The following COL5A2 variants were observed in gnomAD, a reference collection of about 807,000 sequenced individuals.
The protein encoded by COL5A2 is collagen alpha-2(V) chain.
COL5A2 carries 23 observed loss-of-function variants against 208.2 expected under a neutral mutation model. The ratio of observed to expected loss-of-function variants is 0.11; its 90% CI spans 0.08 to 0.16. The LOEUF (loss-of-function observed/expected upper bound fraction) is 0.16, where lower values mean the gene tolerates loss of function less well. Ranked by LOEUF, COL5A2 falls within the 10% of genes least tolerant of loss-of-function variation. COL5A2 has a pLI of 1.00. For missense variants in COL5A2, 1,590 were observed against 1,956.4 expected, an observed-to-expected ratio of 0.81 and a Z score of 3.53; for synonymous variants, 625 against 628.5, an observed-to-expected ratio of 0.99 and a Z score of 0.08.
the COL5A2 span, among the ~76,000 whole-genome samples, chr2:189,368,973 CA>C: frequency 6.6e-6 from 1 of 152,168 alleles, no homozygotes; most frequent in Non-Finnish European, 1.5e-5. Context: ...CTATCTACTA[CA>C]ATACAGTAAA....
At chr2:189,375,020 CT>C in the COL5A2 span, among the ~76,000 whole-genome samples, 1,014 of 143,756 alleles carry the variant, frequency 7.1e-3, 4 homozygotes, top group African/African-American at 0.012. Flanking sequence ...ATTTTTATAT[CT>C]TTTTTTTTTT....
chr2:189,305,375 T>C, the COL5A2 span, among the ~76,000 whole-genome samples: 1 of 152,346 alleles, frequency 6.6e-6, no homozygotes, highest in South Asian at 2.1e-4. Context: ...GATGATTATT[T>C]CATGAGGGCT....
the COL5A2 span, among the ~76,000 whole-genome samples, chr2:189,437,773 C>T: frequency 3.3e-5 from 5 of 152,080 alleles, no homozygotes; most frequent in Admixed American, 6.6e-5. Context: ...TAGCAGAGCC[C>T]AAGGGCCTAT....
chr2:189,173,733 C>T (rs967800569), intron 1 of COL5A2, among the ~76,000 whole-genome samples: 4 of 152,144 alleles, frequency 2.6e-5, no homozygotes, highest in East Asian at 1.9e-4. Context: ...GATACTGTCT[C>T]GTGCTACATT....
the COL5A2 span, among the ~76,000 whole-genome samples, chr2:189,436,963 C>T: frequency 2.6e-5 from 4 of 151,890 alleles, no homozygotes; most frequent in South Asian, 2.1e-4. Flanking sequence ...ACACATTTAC[C>T]TATATAACAA....
chr2:189,209,528 G>A (rs939342808), intron 1 of COL5A2, among the ~76,000 whole-genome samples: 1 of 152,166 alleles, frequency 6.6e-6, no homozygotes, highest in Admixed American at 6.5e-5. Flanking sequence ...AAGTTTTCAA[G>A]TAATGAGCCC....
intron 31 of COL5A2, among the ~76,000 whole-genome samples, chr2:189,059,421 T>C (rs942999795): frequency 2.0e-5 from 3 of 151,816 alleles, no homozygotes; most frequent in Non-Finnish European, 2.9e-5. Context: ...TGTTCTTACA[T>C]AAAAGAAAGT....
the COL5A2 span, among the ~76,000 whole-genome samples, chr2:189,414,247 C>T: frequency 6.6e-6 from 1 of 152,200 alleles, no homozygotes; most frequent in South Asian, 2.1e-4. Context: ...ACATACAACC[C>T]TCTTGAGGAA....
intron 41 of COL5A2, among the ~76,000 whole-genome samples, chr2:189,051,753 A>T (rs547964971): frequency 5.9e-5 from 9 of 152,346 alleles, no homozygotes; most frequent in African/African-American, 2.2e-4. Context: ...TTGAATTTTC[A>T]AACTTATTTA....
chr2:189,162,265 G>A (rs1380591995), intron 1 of COL5A2, among the ~76,000 whole-genome samples: 1 of 152,158 alleles, frequency 6.6e-6, no homozygotes, highest in East Asian at 1.9e-4. Context: ...AATCAATAAA[G>A]AACCTGATAA....
At chr2:189,094,588 G>GACACAC (rs1175370532) in intron 6 of COL5A2, among the ~76,000 whole-genome samples, 689 of 11,686 alleles carry the variant, frequency 0.059, 191 homozygotes, top group Middle Eastern at 0.1. Context: ...CTTTCTCTCT[G>GACACAC]ACACACACAC....
At chr2:189,341,810 G>A in the COL5A2 span, among the ~76,000 whole-genome samples, 3 of 152,112 alleles carry the variant, frequency 2.0e-5, no homozygotes, top group Admixed American at 1.3e-4. Context: ...TAATCAAAGT[G>A]AGTATCACTT....
At position 189,088,677 on chromosome 2, in the gene COL5A2, A is replaced by G. The variant is rs368394761; in HGVS notation, c.645+18T>C. On this transcript the variant is annotated intron_variant, in intron 8 of 53. Transcript: ENST00000374866. ...TTTTCACTGAAGTACTTCAATGATCAGTAAAATTTATGCTTACCACAGAGC... is the reference window on the plus strand; with the variant it reads ...TTTTCACTGAAGTACTTCAATGATCGGTAAAATTTATGCTTACCACAGAGC... The G allele has an allele frequency of 6.3e-6, 10 of 1,593,344 alleles. No individual in the cohort carries two copies. The highest frequency in any genetic ancestry group is 5.4e-5 in the African/African-American group (4 of 74,538).
At chr2:189,326,942 A>T in the COL5A2 span, among the ~76,000 whole-genome samples, 34 of 151,700 alleles carry the variant, frequency 2.2e-4, no homozygotes, top group African/African-American at 7.5e-4. Context: ...GTGATGGCAC[A>T]CACCTGTAAT....
chr2:189,080,998 C>T lies in COL5A2; in HGVS notation c.898G>A (p.Gly300Ser). Residue 300 changes from glycine (G) to serine (S), a missense_variant, in exon 13 of 54, where the codon GGT becomes AGT. Coordinates refer to ENST00000374866, the MANE Select transcript of COL5A2 (RefSeq NM_000393.5). Reference protein sequence around the residue: ...PGAPGLPGLKGHRGHKGLEGP... With the variant: ...PGAPGLPGLKSHRGHKGLEGP... Reference sequence around the variant, plus strand: ...CAATAGATTGAACTTACTCGGTGACCCTTCAGACCTGGAAGACCAGGAGCC... The same window carrying T: ...CAATAGATTGAACTTACTCGGTGACTCTTCAGACCTGGAAGACCAGGAGCC... 6.2e-7 allele frequency: 1 copy of T among 1,613,228 alleles called. No homozygotes were observed. The highest frequency in any genetic ancestry group is 8.5e-7 in the Non-Finnish European group (1 of 1,179,394).
Position 189,080,005 on chromosome 2 carries a change from T to C in COL5A2, c.933A>G (p.Lys311=). Residue 311 remains lysine (K), a synonymous_variant, in exon 14 of 54, where the codon AAA becomes AAG. Coordinates refer to ENST00000374866, the MANE Select transcript of COL5A2 (RefSeq NM_000393.5). ...TGGAACCAGGTGCTCCAACTTCACCTTTAGGGCCTTCAAGACCTTTGTGTC... is the reference window on the plus strand; with the variant it reads ...TGGAACCAGGTGCTCCAACTTCACCCTTAGGGCCTTCAAGACCTTTGTGTC... ...HRGHKGLEGP[K]GEVGAPGSKG... The C allele has an allele frequency of 6.2e-7, 1 of 1,613,062 alleles. No individual in the cohort carries two copies. The highest frequency in any genetic ancestry group is 2.2e-5 in the East Asian group (1 of 44,850).
chr2:189,122,218 C>T (rs538545585), intron 1 of COL5A2, among the ~76,000 whole-genome samples: 7 of 151,998 alleles, frequency 4.6e-5, no homozygotes, highest in African/African-American at 7.2e-5. Flanking sequence ...ATATAAGATA[C>T]GAGGTTTGAG....
At chr2:189,369,706 A>T in the COL5A2 span, among the ~76,000 whole-genome samples, 1 of 152,188 alleles carries the variant, frequency 6.6e-6, no homozygotes, top group African/African-American at 2.4e-5. Flanking sequence ...AGTCATTTCT[A>T]AGAAAATTAC....
the COL5A2 span, among the ~76,000 whole-genome samples, chr2:189,233,747 C>A: frequency 2.0e-5 from 3 of 151,550 alleles, no homozygotes; most frequent in African/African-American, 4.8e-5. Context: ...AATTTTAAAG[C>A]GAGTCACAGC....
Sources: gnomAD v4.1 joint callset for allele counts (sites outside exome capture counted in the v4.1 genomes callset) on GRCh38, gnomAD v4.1.1 for gene constraint, MANE v1.5 for transcripts, NCBI Gene and HGNC (gene_info 2026-07-23, HGNC 2026-07-21) for gene names.